The following ADAMTS17 variants were observed in gnomAD, a reference collection of about 807,000 sequenced individuals.
ADAMTS17 encodes the protein A disintegrin and metalloproteinase with thrombospondin motifs 17.
ADAMTS17 carries 113 observed loss-of-function variants against 141.5 expected under a neutral mutation model. The observed-to-expected ratio is 0.80, with a 90% CI of 0.69 to 0.93. ADAMTS17 has a LOEUF of 0.93. ADAMTS17 is among the 40% of genes least tolerant of loss of function. The pLI, the probability that ADAMTS17 is intolerant of heterozygous loss-of-function variation, is 0.00. For synonymous variants in ADAMTS17, 768 were observed against 630.6 expected (o/e 1.22, Z -3.27); for missense variants, 1,659 against 1,517.9 (o/e 1.09, Z -1.54).
intron 12 of ADAMTS17, among the ~76,000 whole-genome samples, chr15:100,130,944 T>C (rs553658194): frequency 1.3e-5 from 2 of 152,176 alleles, no homozygotes; most frequent in African/African-American, 4.8e-5. Context: ...CTATTCACAA[T>C]AGCAAAGACT....
At chr15:100,194,376 C>A (rs1192745815) in intron 8 of ADAMTS17, among the ~76,000 whole-genome samples, 1 of 152,198 alleles carries the variant, frequency 6.6e-6, no homozygotes, top group Admixed American at 6.5e-5. Flanking sequence ...ACACACTTCC[C>A]TCGAAACACA....
intron 7 of ADAMTS17, among the ~76,000 whole-genome samples, chr15:100,209,636 G>A (rs2041724324): frequency 6.6e-6 from 1 of 150,826 alleles, no homozygotes; most frequent in African/African-American, 2.4e-5. Flanking sequence ...AAAGAATGTT[G>A]ATGAGAGCCA....
At chr15:100,182,361 G>A (rs981431938) in intron 8 of ADAMTS17, among the ~76,000 whole-genome samples, 1 of 152,190 alleles carries the variant, frequency 6.6e-6, no homozygotes, top group Admixed American at 6.5e-5. Context: ...CCTCCCTCAA[G>A]ACTTGGGGAT....
intron 8 of ADAMTS17, among the ~76,000 whole-genome samples, chr15:100,176,270 G>C (rs141395604): frequency 7.0e-4 from 106 of 152,314 alleles, no homozygotes; most frequent in African/African-American, 2.4e-3. Context: ...CTCTATCAGT[G>C]CTGCTTTAAC....
intron 14 of ADAMTS17, among the ~76,000 whole-genome samples, chr15:100,103,012 C>T (rs1024527755): frequency 3.3e-5 from 5 of 152,192 alleles, no homozygotes; most frequent in Non-Finnish European, 7.3e-5. Flanking sequence ...CATGACACTT[C>T]CACCCACTTC....
intron 18 of ADAMTS17, among the ~76,000 whole-genome samples, chr15:100,042,364 T>C (rs2031331093): frequency 6.6e-6 from 1 of 152,230 alleles, no homozygotes; most frequent in Non-Finnish European, 1.5e-5. Context: ...GTGGCAGATA[T>C]GTTCTAAGAC....
intron 18 of ADAMTS17, among the ~76,000 whole-genome samples, chr15:100,002,939 T>C (rs2060959199): frequency 6.6e-6 from 1 of 152,068 alleles, no homozygotes; most frequent in Non-Finnish European, 1.5e-5. Flanking sequence ...ACATGAGGTG[T>C]AGGTGCAGCC....
At chr15:100,247,649 C>G (rs1247520084) in intron 7 of ADAMTS17, among the ~76,000 whole-genome samples, 1 of 152,150 alleles carries the variant, frequency 6.6e-6, no homozygotes, top group Non-Finnish European at 1.5e-5. Flanking sequence ...TCTTTCTTAC[C>G]TAACTGATGA....
intron 3 of ADAMTS17, among the ~76,000 whole-genome samples, chr15:100,297,958 C>T (rs779715014): frequency 1.2e-4 from 18 of 151,886 alleles, no homozygotes; most frequent in Non-Finnish European, 1.6e-4. Flanking sequence ...GGCAGGGCTG[C>T]GTGGCGTCTC....
At chr15:100,060,003 T>C (rs1162789266) in intron 15 of ADAMTS17, among the ~76,000 whole-genome samples, 2 of 152,232 alleles carry the variant, frequency 1.3e-5, no homozygotes, top group Non-Finnish European at 2.9e-5. Flanking sequence ...TAGTGTGCAC[T>C]TGAAATCAGG....
At chr15:100,109,742 C>A (rs116522845) in intron 13 of ADAMTS17, among the ~76,000 whole-genome samples, 1 of 152,126 alleles carries the variant, frequency 6.6e-6, no homozygotes, top group African/African-American at 2.4e-5. Flanking sequence ...TTCCCCTACT[C>A]CTAAAAACAC....
At chr15:100,214,008 G>A (rs559520878) in intron 7 of ADAMTS17, among the ~76,000 whole-genome samples, 1 of 152,354 alleles carries the variant, frequency 6.6e-6, no homozygotes, top group Non-Finnish European at 1.5e-5. Flanking sequence ...TGAAAGTGAG[G>A]AGGGGCAAGA....
intron 14 of ADAMTS17, among the ~76,000 whole-genome samples, chr15:100,101,572 C>G (rs2036103269): frequency 6.6e-6 from 1 of 152,204 alleles, no homozygotes. Context: ...CCTAACGGAC[C>G]ATAAGCACAT....
intron 18 of ADAMTS17, among the ~76,000 whole-genome samples, chr15:100,012,350 T>C (rs114094238): frequency 0.015 from 2,347 of 152,370 alleles, 55 homozygotes; most frequent in African/African-American, 0.052. Context: ...CTGTTTACTC[T>C]GCTGTTCCTT....
At chr15:100,242,051 G>A (rs1243524455) in intron 7 of ADAMTS17, among the ~76,000 whole-genome samples, 1 of 152,140 alleles carries the variant, frequency 6.6e-6, no homozygotes, top group African/African-American at 2.4e-5. Context: ...CACAAGGGAG[G>A]GTTTAAGGTT....
chr15:100,190,104 AGAG>A (rs561492078), intron 8 of ADAMTS17, among the ~76,000 whole-genome samples: 159 of 152,354 alleles, frequency 1.0e-3, no homozygotes, highest in African/African-American at 3.6e-3. Flanking sequence ...CTGCTTAACA[AGAG>A]GATGCCCTAC....
At chr15:100,249,000 T>C (rs1324182020) in intron 7 of ADAMTS17, among the ~76,000 whole-genome samples, 4 of 151,958 alleles carry the variant, frequency 2.6e-5, no homozygotes, top group African/African-American at 9.7e-5. Flanking sequence ...AGTTTCACCA[T>C]GTTGATCAGG....
intron 7 of ADAMTS17, among the ~76,000 whole-genome samples, chr15:100,248,862 G>A (rs1294484981): frequency 2.6e-5 from 4 of 151,266 alleles, no homozygotes; most frequent in Admixed American, 6.6e-5. Flanking sequence ...GCAGTGGTGC[G>A]ATCTCGGCTC....
chr15:99,989,707 G>T (rs897288288), intron 20 of ADAMTS17, among the ~76,000 whole-genome samples: 1 of 152,202 alleles, frequency 6.6e-6, no homozygotes, highest in African/African-American at 2.4e-5. Context: ...CTTGGACAGA[G>T]AATTTCTCAG....
Sources: gnomAD v4.1 joint callset for allele counts (sites outside exome capture counted in the v4.1 genomes callset) on GRCh38, gnomAD v4.1.1 for gene constraint, MANE v1.5 for transcripts, NCBI Gene and HGNC (gene_info 2026-07-23, HGNC 2026-07-21) for gene names.